KLF15: variants seen among roughly 807,000 people sequenced by gnomAD.
The protein encoded by KLF15 is Krueppel-like factor 15.
KLF15 carries 4 observed loss-of-function variants against 24.6 expected under a neutral mutation model. The ratio of observed to expected loss-of-function variants is 0.16; its 90% confidence interval spans 0.08 to 0.37. The LOEUF is 0.37. Ranked by LOEUF, KLF15 falls within the 10% of genes least tolerant of loss-of-function variation. The pLI is 1.00. For missense variants in KLF15, 496 were observed against 560.6 expected, an observed-to-expected ratio of 0.88 and a Z score of 1.16; for synonymous variants, 246 against 236.3, an observed-to-expected ratio of 1.04 and a Z score of -0.37.
chr3:126,306,235 G>A, the KLF15 span, among the ~76,000 whole-genome samples: 3 of 152,086 alleles, frequency 2.0e-5, no homozygotes, highest in Non-Finnish European at 4.4e-5. Context: ...TTCTCTCTCC[G>A]CCCAGGGGTG....
chr3:126,334,206 A>C, the KLF15 span, among the ~76,000 whole-genome samples: 2 of 152,116 alleles, frequency 1.3e-5, no homozygotes, highest in African/African-American at 2.4e-5. Flanking sequence ...AAAGAACAGA[A>C]ATTATAACAA....
the KLF15 span, among the ~76,000 whole-genome samples, chr3:126,302,523 C>T: frequency 2.6e-5 from 4 of 152,028 alleles, no homozygotes; most frequent in Non-Finnish European, 5.9e-5. Context: ...ATCTATTTGT[C>T]CTTGAAGTTC....
chr3:126,296,429 T>G, the KLF15 span, among the ~76,000 whole-genome samples: 1 of 152,222 alleles, frequency 6.6e-6, no homozygotes. Context: ...GGATGGTCTT[T>G]ATCTCCTGAC....
the KLF15 span, among the ~76,000 whole-genome samples, chr3:126,322,765 T>C: frequency 7.2e-5 from 11 of 152,154 alleles, no homozygotes; most frequent in Non-Finnish European, 5.9e-5. Flanking sequence ...GCCATTTGCT[T>C]GATAAATATT....
the KLF15 span, among the ~76,000 whole-genome samples, chr3:126,291,770 A>G: frequency 6.6e-6 from 1 of 152,340 alleles, no homozygotes; most frequent in African/African-American, 2.4e-5. Context: ...GTTAGGGATG[A>G]ACAGAGACCT....
At chr3:126,312,218 C>T in the KLF15 span, among the ~76,000 whole-genome samples, 1 of 152,166 alleles carries the variant, frequency 6.6e-6, no homozygotes, top group Admixed American at 6.5e-5. Context: ...TGCTTTGTCA[C>T]CCACACTGGA....
chr3:126,309,610 A>C, the KLF15 span, among the ~76,000 whole-genome samples: 1 of 152,244 alleles, frequency 6.6e-6, no homozygotes, highest in Middle Eastern at 3.4e-3. Flanking sequence ...GCCTACAAGA[A>C]ACGACACTCC....
At chr3:126,310,304 T>C in the KLF15 span, among the ~76,000 whole-genome samples, 1 of 152,184 alleles carries the variant, frequency 6.6e-6, no homozygotes, top group Admixed American at 6.5e-5. Context: ...GGGCCCAAGC[T>C]CCAGGCAGCC....
the KLF15 span, among the ~76,000 whole-genome samples, chr3:126,333,618 C>T: frequency 1.3e-5 from 2 of 148,890 alleles, no homozygotes; most frequent in Non-Finnish European, 3.0e-5. Context: ...TTAAAAGACA[C>T]AGACTGGCAA....
the KLF15 span, among the ~76,000 whole-genome samples, chr3:126,324,931 G>T: frequency 9.7e-6 from 1 of 103,390 alleles, no homozygotes; most frequent in Non-Finnish European, 1.9e-5. Flanking sequence ...CTAGCATTAG[G>T]TATATCTCCC....
At chr3:126,300,245 C>T in the KLF15 span, among the ~76,000 whole-genome samples, 3 of 152,254 alleles carry the variant, frequency 2.0e-5, no homozygotes, top group South Asian at 2.1e-4. Flanking sequence ...CGAGGCCATC[C>T]GACCCCTGAG....
the KLF15 span, among the ~76,000 whole-genome samples, chr3:126,331,043 C>G: frequency 6.6e-6 from 1 of 152,138 alleles, no homozygotes; most frequent in Non-Finnish European, 1.5e-5. Flanking sequence ...GCAATCTGCC[C>G]CTATCCTCAG....
chr3:126,296,590 G>C, the KLF15 span, among the ~76,000 whole-genome samples: 1 of 152,336 alleles, frequency 6.6e-6, no homozygotes, highest in South Asian at 2.1e-4. Flanking sequence ...GCAGCCTAGG[G>C]ATTAGCACCT....
At chr3:126,317,675 C>T in the KLF15 span, among the ~76,000 whole-genome samples, 1 of 152,122 alleles carries the variant, frequency 6.6e-6, no homozygotes, top group Non-Finnish European at 1.5e-5. Flanking sequence ...AGAGACACAA[C>T]CCCCTGGAAG....
At chr3:126,321,242 A>G in the KLF15 span, among the ~76,000 whole-genome samples, 1 of 152,208 alleles carries the variant, frequency 6.6e-6, no homozygotes, top group Non-Finnish European at 1.5e-5. Flanking sequence ...GCAAGGGGCC[A>G]GGGCCACAGA....
At chr3:126,339,305 T>C (rs567066910), downstream of KLF15, among the ~76,000 whole-genome samples, 83 of 152,352 alleles carry the variant, frequency 5.4e-4, no homozygotes, top group African/African-American at 2.0e-3. Context: ...ATTTTAACTC[T>C]GCCCTGCATC....
the KLF15 span, among the ~76,000 whole-genome samples, chr3:126,321,615 A>G: frequency 1.3e-5 from 2 of 152,190 alleles, no homozygotes; most frequent in African/African-American, 4.8e-5. Context: ...GATGGACAGA[A>G]CCCTGGAGGC....
At position 126,351,853 on chromosome 3, in the gene KLF15, C is replaced by G. The variant is rs778639582; in HGVS notation, c.1070G>C (p.Gly357Ala). The G allele has an allele frequency of 1.5e-5, 25 of 1,612,936 alleles. No individual in the cohort carries two copies. Among genetic ancestry groups the G allele is most frequent in the African/African-American group, 2.7e-5 (2 of 74,920 alleles). ...TCGCTATACTGACCTCCAGCCGCAG[C>G]CTGGCCAGGTGCAGGCGAAGGGCTT... The part of the protein sequence containing the change: ...GEKPFACTWP[G>A]CGWRFSRSDE... Residue 357 changes from glycine (G) to alanine (A), a missense_variant, in exon 2 of 3, where the codon GGC (glycine) becomes GCC (alanine). This residue lies in a region of KLF15 where 59 missense variants were observed against 106.1 expected (regional missense o/e 0.56). Transcript: ENST00000296233.
In KLF15 at chr3:126,352,909, A is replaced by C. The variant is rs1323477516; in HGVS notation, c.14T>G (p.Leu5Ter). The change falls in exon 2 of 3, where the codon TTA (leucine) becomes TGA (stop). Residue 5 changes from leucine (L) to a stop codon, truncating the protein, a stop_gained. Coordinates refer to ENST00000296233, the MANE Select transcript of KLF15 (RefSeq NM_014079.4). LOFTEE classifies it high-confidence loss of function. The stretch of plus-strand genomic sequence containing the variant: ...CGAGAAGTTCTCGTCCACTGGAAGT[A>C]AGTGGTCCACCATGCTGGCCTGGCC... MVDH[L>*]LPVDENFSSP... 1 of 1,606,716 alleles carries C rather than the reference A, an allele frequency of 6.2e-7. No individual in the cohort carries two copies. The highest frequency in any genetic ancestry group is 8.5e-7 in the Non-Finnish European group (1 of 1,176,390).
Sources: allele counts gnomAD v4.1 joint callset (sites outside exome capture counted in the v4.1 genomes callset), GRCh38; gene constraint gnomAD v4.1.1; regional missense constraint gnomAD v4.1.1; transcripts MANE v1.5; gene names NCBI Gene and HGNC (gene_info 2026-07-23, HGNC 2026-07-21).